The following PDIK1L variants were observed in gnomAD, a reference collection of about 807,000 sequenced individuals.
PDIK1L encodes the protein serine/threonine-protein kinase PDIK1L.
A neutral mutation model predicts 27.1 loss-of-function variants in PDIK1L; 9 were observed. That is an observed-to-expected ratio of 0.33 (90% CI 0.20 to 0.58). The LOEUF is 0.58. PDIK1L is among the 20% of genes least tolerant of loss of function. The pLI, the probability that PDIK1L is intolerant of heterozygous loss-of-function variation, is 0.86. For synonymous variants in PDIK1L, 130 were observed against 141.7 expected, an observed-to-expected ratio of 0.92 and a Z score of 0.59; for missense variants, 216 against 413.2, an observed-to-expected ratio of 0.52 and a Z score of 4.14.
At chr1:26,113,680 C>G (rs1274687924) in intron 1 of PDIK1L, among the ~76,000 whole-genome samples, 1 of 152,130 alleles carries the variant, frequency 6.6e-6, no homozygotes, top group African/African-American at 2.4e-5. Context: ...GGTTCACTTT[C>G]AGGCCTTAAG....
intron 2 of PDIK1L, among the ~76,000 whole-genome samples, chr1:26,117,896 G>A (rs983910038): frequency 1.4e-4 from 21 of 151,722 alleles, no homozygotes; most frequent in Non-Finnish European, 2.4e-4. Flanking sequence ...CCATCTCTAC[G>A]AAAAATACAA....
intron 2 of PDIK1L, among the ~76,000 whole-genome samples, chr1:26,115,791 G>C (rs1275533978): frequency 1.3e-5 from 2 of 149,368 alleles, no homozygotes; most frequent in Non-Finnish European, 3.0e-5. Context: ...AACTGAGCGA[G>C]ACTCCGTCAA....
intron 2 of PDIK1L, among the ~76,000 whole-genome samples, chr1:26,115,853 C>A (rs1389486632): frequency 6.6e-6 from 1 of 151,376 alleles, no homozygotes; most frequent in African/African-American, 2.4e-5. Flanking sequence ...AAACAACTTT[C>A]TTTGAGTGTG....
In PDIK1L at chr1:26,122,414, A is replaced by G. The variant is rs750899524; in HGVS notation, c.863A>G (p.Lys288Arg). The change falls in exon 3 of 3, where the codon AAA becomes AGA. Residue 288 changes from lysine to arginine, a missense_variant. Physicochemically the swap from Lys to Arg is conservative, Grantham distance 26 (BLOSUM62 2). This residue lies in a region of PDIK1L where 169 missense variants were observed against 366.0 expected (regional missense o/e 0.46). Coordinates refer to ENST00000374269, the MANE Select transcript of PDIK1L (RefSeq NM_152835.5). This position sits in a 1 kb window ranked among gnomAD's most constrained non-coding sequence, Gnocchi z 5.4. The part of the protein sequence containing the change: ...PVGEALLENP[K>R]MELLIPVKKK... ...GGGGAGGCACTTCTGGAAAATCCCA[A>G]AATGGAACTTCTCATTCCTGTGAAG... 3 of 1,614,170 alleles carry G rather than the reference A, an allele frequency of 1.9e-6. No homozygotes were observed. The highest frequency in any genetic ancestry group is 8.5e-7 in the Non-Finnish European group (1 of 1,180,016).
At chr1:26,119,577 A>T (rs2087941862) in intron 2 of PDIK1L, among the ~76,000 whole-genome samples, 1 of 151,738 alleles carries the variant, frequency 6.6e-6, no homozygotes, top group Non-Finnish European at 1.5e-5. Context: ...AAATTGAAAG[A>T]AGAGGCTGGG....
chr1:26,119,628 C>T (rs1200604493), intron 2 of PDIK1L, among the ~76,000 whole-genome samples: 5 of 151,962 alleles, frequency 3.3e-5, no homozygotes, highest in Non-Finnish European at 5.9e-5. Flanking sequence ...TTTGGGAGGC[C>T]GAGAGGCGGA....
At chr1:26,116,496 C>T (rs921182192) in intron 2 of PDIK1L, among the ~76,000 whole-genome samples, 5 of 152,194 alleles carry the variant, frequency 3.3e-5, no homozygotes, top group African/African-American at 1.2e-4. Context: ...GCCTGGGTGA[C>T]AGCGAGATTC....
At chr1:26,111,537 G>A (rs1370153256), upstream of PDIK1L, 7 of 151,454 alleles carry the variant, frequency 4.6e-5, no homozygotes, top group Non-Finnish European at 1.0e-4. This position sits in a 1 kb window ranked among gnomAD's most constrained non-coding sequence, Gnocchi z 4.0. Flanking sequence ...AGCGCCCGCT[G>A]CGGCTGGAGG....
chr1:26,121,041 G>A (rs1277737327), intron 2 of PDIK1L, among the ~76,000 whole-genome samples: 1 of 151,564 alleles, frequency 6.6e-6, no homozygotes, highest in African/African-American at 2.4e-5. Flanking sequence ...AAGTAAAGGA[G>A]CGTTATAACT....
chr1:26,117,971 G>A (rs747795232), intron 2 of PDIK1L, among the ~76,000 whole-genome samples: 8 of 150,218 alleles, frequency 5.3e-5, no homozygotes, highest in Non-Finnish European at 1.0e-4. Context: ...GAGGTGGGAG[G>A]ATCACTTGAG....
Position 26,114,190 on chromosome 1 carries a change from A to T in PDIK1L, c.-17-102A>T. 1 of 1,170,266 alleles carries T rather than the reference A, an allele frequency of 8.5e-7. No individual in the cohort carries two copies. The highest frequency in any genetic ancestry group is 1.2e-6 in the Non-Finnish European group (1 of 843,242). The allele number at this position is 1,170,266 out of a possible 1,614,324, so 72.5% of individuals were successfully genotyped here. ...TAGGTATAGCAAATATCCTTCAAGC[A>T]CTGCAGACAGTCAGACAGATGACAA... is the stretch of plus-strand genomic sequence containing the variant. On this transcript the variant is annotated intron_variant, in intron 1 of 2. Coordinates refer to ENST00000374269, the MANE Select transcript of PDIK1L (RefSeq NM_152835.5). The surrounding 1 kb of genome is among the most constrained non-coding windows in gnomAD (Gnocchi z 4.8).
chr1:26,121,381 G>A (rs1489049190), intron 2 of PDIK1L, among the ~76,000 whole-genome samples: 1 of 152,164 alleles, frequency 6.6e-6, no homozygotes, highest in Non-Finnish European at 1.5e-5. Context: ...CACAGGTTAT[G>A]TTGATAGTGT....
intron 2 of PDIK1L, among the ~76,000 whole-genome samples, chr1:26,118,264 T>C (rs1444324241): frequency 2.0e-5 from 3 of 152,128 alleles, no homozygotes; most frequent in Non-Finnish European, 4.4e-5. Context: ...AAGACTGCAG[T>C]GAGCCATGAT....
chr1:26,113,638 A>G (rs56076306), intron 1 of PDIK1L, among the ~76,000 whole-genome samples: 28,924 of 152,146 alleles, frequency 0.19, 3,722 homozygotes, highest in East Asian at 0.45. Context: ...TTACATAATG[A>G]AAACAAACAT....
At chr1:26,116,995 C>T (rs567682219) in intron 2 of PDIK1L, among the ~76,000 whole-genome samples, 1 of 132,604 alleles carries the variant, frequency 7.5e-6, no homozygotes, top group East Asian at 2.5e-4. Context: ...GGATTACAGG[C>T]GTGAGCCACT....
upstream of PDIK1L, chr1:26,111,341 C>T (rs942551651): frequency 6.6e-6 from 1 of 152,532 alleles, no homozygotes; most frequent in Non-Finnish European, 1.5e-5. The surrounding 1 kb of genome is among the most constrained non-coding windows in gnomAD (Gnocchi z 4.0). Flanking sequence ...AGCACCGCGC[C>T]CCGCAGGCAC....
chr1:26,119,789 G>A (rs1268428358), intron 2 of PDIK1L, among the ~76,000 whole-genome samples: 6 of 152,084 alleles, frequency 3.9e-5, no homozygotes, highest in African/African-American at 1.4e-4. Flanking sequence ...AACCTGGGAA[G>A]CAGAGGTTGC....
At position 26,125,533 on chromosome 1, in the gene PDIK1L, CAAAA is replaced by C. The variant is rs140163051; in HGVS notation, c.*2963_*2966del. The C allele has an allele frequency of 7.0e-6, 1 of 143,662 alleles. No homozygotes were observed. The highest frequency in any genetic ancestry group is 1.5e-5 in the Non-Finnish European group (1 of 65,260). 8.9% of individuals were successfully genotyped at this position (143,662 alleles called of 1,614,324 possible). ...TTTTTTTAAATAAAGTGAGTTTCAA[CAAAA>C]AAAAAACTGAAAATTCTACATTGCT... is the stretch of plus-strand genomic sequence containing the variant. On this transcript the variant is annotated 3_prime_UTR_variant, in exon 3 of 3. Coordinates refer to ENST00000374269, the MANE Select transcript of PDIK1L (RefSeq NM_152835.5).
At chr1:26,115,724 C>T (rs1310886164) in intron 2 of PDIK1L, among the ~76,000 whole-genome samples, 1 of 151,832 alleles carries the variant, frequency 6.6e-6, no homozygotes, top group Non-Finnish European at 1.5e-5. Context: ...ATGGCGTGAA[C>T]CGGGGAGGCG....
Sources: gnomAD v4.1 joint callset for allele counts (sites outside exome capture counted in the v4.1 genomes callset) on GRCh38, gnomAD v4.1.1 for gene constraint, gnomAD v4.1.1 regional missense constraint, Gnocchi (gnomAD v3.1) non-coding constraint, MANE v1.5 for transcripts, NCBI Gene and HGNC (gene_info 2026-07-23, HGNC 2026-07-21) for gene names.